The following LCLAT1 variants were observed in gnomAD, a reference collection of about 807,000 sequenced individuals.
LCLAT1 encodes the protein lysocardiolipin acyltransferase 1, also known as 1-AGP acyltransferase 8.
Under a neutral mutation model 30.7 loss-of-function variants are expected in LCLAT1, and 11 were observed. The observed-to-expected ratio is 0.36, with a 90% CI of 0.23 to 0.59. The LOEUF is 0.59. Among genes scored for constraint, LCLAT1 ranks in the 20% least tolerant of loss-of-function variants. LCLAT1 has a pLI of 0.77. For missense variants in LCLAT1, 402 were observed against 458.6 expected (o/e 0.88, Z 1.13); for synonymous variants, 155 against 151.3 (o/e 1.02, Z -0.18).
rs920217108 is a variant in LCLAT1, at chr2:30,583,161, G to T, written c.628+14985G>T. On this transcript the variant is annotated intron_variant, in intron 5 of 5. Coordinates refer to ENST00000379509, the MANE Select transcript of LCLAT1 (RefSeq NM_001002257.3). ...ACTAGCTATTGGGTATTAATCAAAA[G>T]GATGATAGTATGGCTTACTGTTAAA... 8.5e-5 allele frequency among the ~76,000 whole-genome samples: 13 copies of T among 152,290 alleles called. No homozygotes were observed. In the Middle Eastern group the frequency reaches 0.01, roughly 120 times the overall value.
chr2:30,616,853 G>T (rs901927715), intron 5 of LCLAT1, among the ~76,000 whole-genome samples: 3 of 151,716 alleles, frequency 2.0e-5, no homozygotes, highest in African/African-American at 4.8e-5. Context: ...AAAAAAAATT[G>T]AAATCATACA....
chr2:30,510,365 G>A (rs1684881668), intron 1 of LCLAT1, among the ~76,000 whole-genome samples: 1 of 152,126 alleles, frequency 6.6e-6, no homozygotes, highest in African/African-American at 2.4e-5. Context: ...GGGACGGGTT[G>A]GAAATAATTT....
intron 1 of LCLAT1, among the ~76,000 whole-genome samples, chr2:30,507,885 G>T (rs1238491479): frequency 6.6e-6 from 1 of 152,130 alleles, no homozygotes; most frequent in Non-Finnish European, 1.5e-5. Context: ...TAACACAATG[G>T]TTGAACTAAT....
chr2:30,533,357 G>T (rs746838058), intron 3 of LCLAT1, 43 bp downstream of exon 3: 1 of 1,491,914 alleles, frequency 6.7e-7, no homozygotes, highest in African/African-American at 1.4e-5. Context: ...ATTCATTTTA[G>T]ATGTAATGCA....
At chr2:30,620,197 T>C (rs962899396) in intron 5 of LCLAT1, among the ~76,000 whole-genome samples, 1 of 152,152 alleles carries the variant, frequency 6.6e-6, no homozygotes, top group Admixed American at 6.5e-5. Context: ...TCCTCTCTGC[T>C]TAGAACTATC....
intron 1 of LCLAT1, among the ~76,000 whole-genome samples, chr2:30,481,146 AC>A (rs1329994568): frequency 6.6e-6 from 1 of 152,152 alleles, no homozygotes; most frequent in African/African-American, 2.4e-5. Context: ...CTGTTGGGGA[AC>A]CTGGCAGAAG....
In LCLAT1 at chr2:30,637,914, T is replaced by C. The variant is rs1669115133; in HGVS notation, c.629-2203T>C. ...TCTTTGGAGCCAAGCAGGTCTGGCC[T>C]AGTCTCTCTTCAAATACAGCTCCAC... On this transcript the variant is annotated intron_variant, in intron 5 of 5. Coordinates refer to ENST00000379509, the MANE Select transcript of LCLAT1 (RefSeq NM_001002257.3). 2.0e-5 allele frequency among the ~76,000 whole-genome samples: 3 copies of C among 152,146 alleles called. No homozygotes were observed. In the South Asian group the frequency reaches 6.2e-4, roughly 32 times the overall value.
intron 5 of LCLAT1, among the ~76,000 whole-genome samples, chr2:30,627,305 T>C (rs1431495092): frequency 6.6e-6 from 1 of 152,160 alleles, no homozygotes; most frequent in Admixed American, 6.5e-5. Flanking sequence ...GTCACCTAAG[T>C]CTCATTATCC....
At chr2:30,629,316 T>G (rs1264262961) in intron 5 of LCLAT1, among the ~76,000 whole-genome samples, 1 of 152,142 alleles carries the variant, frequency 6.6e-6, no homozygotes, top group Non-Finnish European at 1.5e-5. Context: ...TCTCAGCACT[T>G]TGGGAGGCTG....
At chr2:30,499,317 A>G (rs549617172) in intron 1 of LCLAT1, among the ~76,000 whole-genome samples, 20 of 152,092 alleles carry the variant, frequency 1.3e-4, no homozygotes, top group Non-Finnish European at 2.4e-4. Context: ...AGTAGCTGGG[A>G]TTACAGGTGC....
At chr2:30,627,068 G>T (rs1353043257) in intron 5 of LCLAT1, among the ~76,000 whole-genome samples, 1 of 152,128 alleles carries the variant, frequency 6.6e-6, no homozygotes, top group Non-Finnish European at 1.5e-5. Context: ...TTGAGTATCA[G>T]ATGGGTCTGT....
In LCLAT1 at chr2:30,619,945, C is replaced by G. The variant is rs139796043; in HGVS notation, c.629-20172C>G. Among the ~76,000 whole-genome samples, 543 of 152,272 alleles carry G rather than the reference C, an allele frequency of 3.6e-3. 2 individuals carry two copies. Among genetic ancestry groups the G allele is most frequent in the African/African-American group, 0.011 (470 of 41,556 alleles). ...TATGAGCACAAGTTATGGTAGTTAA[C>G]TGTTATTACTGAGTAATTCACTCTG... On this transcript the variant is annotated intron_variant, in intron 5 of 5. Transcript: ENST00000379509.
chr2:30,574,101 C>G (rs1665895789), intron 5 of LCLAT1, among the ~76,000 whole-genome samples: 1 of 151,870 alleles, frequency 6.6e-6, no homozygotes, highest in Non-Finnish European at 1.5e-5. Flanking sequence ...GAGATTGCAC[C>G]ACTATACTCC....
At chr2:30,608,943 G>A (rs1230807018) in intron 5 of LCLAT1, among the ~76,000 whole-genome samples, 1 of 152,022 alleles carries the variant, frequency 6.6e-6, no homozygotes, top group Non-Finnish European at 1.5e-5. Context: ...GCACAAGGGT[G>A]CCTGTTTCCT....
intron 3 of LCLAT1, among the ~76,000 whole-genome samples, chr2:30,543,138 C>T (rs757157983): frequency 6.6e-6 from 1 of 151,804 alleles, no homozygotes; most frequent in African/African-American, 2.4e-5. Flanking sequence ...TGAGGAGTTC[C>T]CTTCTATTCC....
chr2:30,478,373 C>A (rs4952131), intron 1 of LCLAT1, among the ~76,000 whole-genome samples: 19,237 of 152,128 alleles, frequency 0.13, 1,353 homozygotes, highest in South Asian at 0.23. Context: ...AGAGTTTTAG[C>A]ATGCTACCTG....
At chr2:30,552,062 C>T (rs1455253062) in intron 3 of LCLAT1, among the ~76,000 whole-genome samples, 1 of 152,176 alleles carries the variant, frequency 6.6e-6, no homozygotes, top group East Asian at 1.9e-4. Context: ...ATTCTGCCTA[C>T]CATATGTTAA....
At chr2:30,480,726 C>G (rs1442325367) in intron 1 of LCLAT1, among the ~76,000 whole-genome samples, 9 of 152,070 alleles carry the variant, frequency 5.9e-5, no homozygotes, top group Non-Finnish European at 1.0e-4. Context: ...GCAGTTTTAG[C>G]CTGGGCAATA....
chr2:30,570,941 G>A (rs1343861273), intron 5 of LCLAT1, among the ~76,000 whole-genome samples: 1 of 152,028 alleles, frequency 6.6e-6, no homozygotes, highest in Non-Finnish European at 1.5e-5. Flanking sequence ...AGGTGAGGAG[G>A]ATCTTAGAGG....
Sources: gnomAD v4.1 joint callset for allele counts (sites outside exome capture counted in the v4.1 genomes callset) on GRCh38, gnomAD v4.1.1 for gene constraint, MANE v1.5 for transcripts, NCBI Gene and HGNC (gene_info 2026-07-23, HGNC 2026-07-21) for gene names.